NRG1: variants seen among roughly 807,000 people sequenced by gnomAD.
The protein encoded by NRG1 is neuregulin 1.
A neutral mutation model predicts 63.8 loss-of-function variants in NRG1; 18 were observed. The observed-to-expected ratio is 0.28, with a 90% CI of 0.19 to 0.42. The LOEUF is 0.42. NRG1 is among the 10% of genes least tolerant of loss of function. The pLI is 1.00. For missense variants in NRG1, 762 were observed against 814.7 expected (o/e 0.94, Z 0.79); for synonymous variants, 302 against 301.3 (o/e 1.00, Z -0.02).
chr8:31,740,844 T>G (rs562550950), intron 1 of NRG1, among the ~76,000 whole-genome samples: 1 of 152,112 alleles, frequency 6.6e-6, no homozygotes, highest in South Asian at 2.1e-4. Flanking sequence ...TGGGAAGTGT[T>G]TCGACTCAGC....
At chr8:32,595,446 C>T (rs1038707149) in intron 1 of NRG1, among the ~76,000 whole-genome samples, 1 of 152,136 alleles carries the variant, frequency 6.6e-6, no homozygotes, top group Non-Finnish European at 1.5e-5. Flanking sequence ...GCCTCAGCCT[C>T]CGTAAGTTGG....
At chr8:31,688,790 A>G (rs936817838) in intron 1 of NRG1, among the ~76,000 whole-genome samples, 1 of 152,160 alleles carries the variant, frequency 6.6e-6, no homozygotes, top group Admixed American at 6.5e-5. Context: ...CTCAGTTTAT[A>G]TGTTCATTTT....
intron 1 of NRG1, among the ~76,000 whole-genome samples, chr8:32,280,680 G>GTTTTTTTTTTTTTTTTTTTTTTTT (rs1235833561): frequency 1.9e-5 from 1 of 53,722 alleles, no homozygotes; most frequent in African/African-American, 7.0e-5. Context: ...ACTGAATTAG[G>GTTTTTTTTTTTTTTTTTTTTTTTT]TTTTTTTTTT....
intron 3 of NRG1, among the ~76,000 whole-genome samples, chr8:32,614,072 A>G (rs182950498): frequency 1.5e-3 from 233 of 152,156 alleles, no homozygotes; most frequent in African/African-American, 5.4e-3. Flanking sequence ...TTTTTCACCA[A>G]TCCTAATTAG....
At position 32,197,982 on chromosome 8, in the gene NRG1, A is replaced by G. The variant is rs564322363; in HGVS notation, c.38-397846A>G. ...TGCACACACACGCATGCACGCGCAC[A>G]CACACACACACACACCATCCAGGAT... On this transcript the variant is annotated intron_variant, in intron 1 of 10. Coordinates refer to the NRG1 transcript ENST00000519301. Among the ~76,000 whole-genome samples the G allele has an allele frequency of 7.3e-5, 11 of 151,500 alleles. 1 individual carries two copies. The highest frequency in any genetic ancestry group is 3.9e-4 in the Admixed American group (6 of 15,208).
At chr8:32,374,233 T>C (rs1809320434) in intron 1 of NRG1, among the ~76,000 whole-genome samples, 1 of 152,182 alleles carries the variant, frequency 6.6e-6, no homozygotes, top group Non-Finnish European at 1.5e-5. Context: ...AGAGGTGCTG[T>C]CATTTTCCAG....
Position 32,702,189 on chromosome 8 carries a change from G to A in NRG1, c.503-25760G>A, listed in dbSNP as rs369298472. Among the ~76,000 whole-genome samples, 4 of 152,178 alleles carry A rather than the reference G, an allele frequency of 2.6e-5. No homozygotes were observed. The East Asian group carries it at 5.8e-4, about 22-fold the overall frequency. The stretch of plus-strand genomic sequence containing the variant: ...GATGTTTTAGGGAAGTGTATCCTGA[G>A]TGCTGTCTTTAAGGCATTGATTGGA... On this transcript the variant is annotated intron_variant, in intron 5 of 11. Transcript: ENST00000356819.
chr8:32,460,810 T>G (rs566227704), intron 1 of NRG1, among the ~76,000 whole-genome samples: 16 of 152,330 alleles, frequency 1.1e-4, no homozygotes, highest in African/African-American at 3.8e-4. Context: ...GCTTTTTTTT[T>G]GTCTTTTGCC....
intron 1 of NRG1, among the ~76,000 whole-genome samples, chr8:31,958,627 C>G (rs887165502): frequency 6.6e-6 from 1 of 152,132 alleles, no homozygotes; most frequent in South Asian, 2.1e-4. Context: ...CCTAAGGTGA[C>G]CACTTGAGTC....
chr8:31,649,310 C>T (rs998132440), intron 1 of NRG1, among the ~76,000 whole-genome samples: 1 of 152,146 alleles, frequency 6.6e-6, no homozygotes, highest in Non-Finnish European at 1.5e-5. Flanking sequence ...TTTTCCATAG[C>T]AGCTGCACCA....
intron 1 of NRG1, among the ~76,000 whole-genome samples, chr8:32,264,175 A>T (rs1850672143): frequency 6.6e-6 from 1 of 151,258 alleles, no homozygotes; most frequent in African/African-American, 2.4e-5. Context: ...GCCACAAAAA[A>T]CTCCTGTATA....
Position 32,742,531 on chromosome 8 carries a change from A to G in NRG1, c.633-144A>G. On this transcript the variant is annotated intron_variant, in intron 6 of 11. Coordinates refer to ENST00000356819, the Ensembl canonical transcript of NRG1. The surrounding 1 kb of genome is among the most constrained non-coding windows in gnomAD (Gnocchi z 4.2). ...GGGGAAGTGCCAGAGCCTGAAAGCC[A>G]TGATCAGGGCAAAGATTCAGTTCCT... is the stretch of plus-strand genomic sequence containing the variant. The G allele has an allele frequency of 1.4e-6, 1 of 711,186 alleles. No homozygotes were observed. The highest frequency in any genetic ancestry group is 2.3e-6 in the Non-Finnish European group (1 of 427,202). 44.1% of individuals were successfully genotyped at this position (711,186 alleles called of 1,614,324 possible). A position where few individuals can be genotyped will look rare whatever the true frequency, so the allele number is the denominator to read the frequency against.
chr8:32,247,415 G>A (rs980219779), intron 1 of NRG1, among the ~76,000 whole-genome samples: 4 of 152,024 alleles, frequency 2.6e-5, no homozygotes, highest in Admixed American at 2.0e-4. Flanking sequence ...AATGACTCCC[G>A]TGCAATTTGT....
intron 5 of NRG1, among the ~76,000 whole-genome samples, chr8:32,681,930 G>A (rs771308648): frequency 3.9e-5 from 6 of 152,116 alleles, no homozygotes; most frequent in Non-Finnish European, 5.9e-5. Context: ...GATAGATAAC[G>A]TTAACATGCA....
intron 1 of NRG1, among the ~76,000 whole-genome samples, chr8:31,958,760 T>C (rs1266058770): frequency 6.6e-6 from 1 of 152,184 alleles, no homozygotes; most frequent in Non-Finnish European, 1.5e-5. Flanking sequence ...AAATTTTAAG[T>C]TTTTCCTATG....
chr8:31,891,035 G>A (rs985584842), intron 1 of NRG1, among the ~76,000 whole-genome samples: 1 of 152,114 alleles, frequency 6.6e-6, no homozygotes, highest in Admixed American at 6.5e-5. Flanking sequence ...TATAAAATAT[G>A]TACCTATAAA....
At chr8:32,620,842 A>G (rs1563785245) in intron 5 of NRG1, among the ~76,000 whole-genome samples, 1 of 151,974 alleles carries the variant, frequency 6.6e-6, no homozygotes, top group Non-Finnish European at 1.5e-5. Flanking sequence ...AAAACAAACA[A>G]AAAAAGAAAG....
intron 1 of NRG1, among the ~76,000 whole-genome samples, chr8:32,344,374 CTT>C (rs1381093360): frequency 1.0e-5 from 1 of 96,848 alleles, no homozygotes; most frequent in African/African-American, 3.8e-5. Flanking sequence ...TTCTTTCTTT[CTT>C]TCTTTCTCTT....
intron 1 of NRG1, among the ~76,000 whole-genome samples, chr8:32,176,182 C>T (rs1286617704): frequency 6.6e-6 from 1 of 152,176 alleles, no homozygotes; most frequent in Non-Finnish European, 1.5e-5. Flanking sequence ...TGCATATCTA[C>T]AACCATCTGA....
Sources: gnomAD v4.1 joint callset for allele counts (sites outside exome capture counted in the v4.1 genomes callset) on GRCh38, gnomAD v4.1.1 for gene constraint, Gnocchi (gnomAD v3.1) non-coding constraint, MANE v1.5 for transcripts, NCBI Gene and HGNC (gene_info 2026-07-23, HGNC 2026-07-21) for gene names.